The following AP5Z1 variants were observed in gnomAD, a reference collection of about 807,000 sequenced individuals.
The protein encoded by AP5Z1 is adaptor related protein complex 5 subunit zeta 1.
A neutral mutation model predicts 83.0 loss-of-function variants in AP5Z1; 106 were observed. That is an observed-to-expected ratio of 1.28 (90% CI 1.09 to 1.50). The LOEUF (loss-of-function observed/expected upper bound fraction) is 1.50, where lower values mean the gene tolerates loss of function less well. Ranked by LOEUF, AP5Z1 falls within the 40% of genes most tolerant of loss-of-function variation. AP5Z1 has a pLI of 0.00. For missense variants in AP5Z1, 1,565 were observed against 1,094.2 expected, an observed-to-expected ratio of 1.43 and a Z score of -6.07; for synonymous variants, 751 against 514.1, an observed-to-expected ratio of 1.46 and a Z score of -6.23.
intron 10 of AP5Z1, 115 bp downstream of exon 10, chr7:4,786,543 T>C: frequency 8.1e-7 from 1 of 1,235,688 alleles, no homozygotes; most frequent in South Asian, 1.4e-5. Context: ...GCCCTGTGAG[T>C]CCCGGGCCTG....
chr7:4,788,959 C>A lies in AP5Z1; in HGVS notation c.1707+8C>A, dbSNP rs374691049. On this transcript the variant is annotated splice_region_variant and intron_variant, in intron 13 of 16. Transcript: ENST00000649063. ...TTCTCAGCAGTGACCCAGGTGAGCT[C>A]GCTGCCTGGGGCCCCCCATTCCCAC... is the stretch of plus-strand genomic sequence containing the variant. 1.9e-6 allele frequency: 3 copies of A among 1,607,378 alleles called. No individual in the cohort carries two copies. The highest frequency in any genetic ancestry group is 1.1e-5 in the South Asian group (1 of 90,280).
chr7:4,786,204 C>G, intron 9 of AP5Z1, 46 bp from the exon 10 acceptor site: 1 of 1,529,692 alleles, frequency 6.5e-7, no homozygotes, highest in Middle Eastern at 2.0e-4. Flanking sequence ...GAAGCACGGC[C>G]AGGGCGAGGT....
Position 4,788,906 on chromosome 7 carries a change from G to A in AP5Z1, c.1662G>A (p.Gln554=). The A allele has an allele frequency of 6.2e-7, 1 of 1,611,350 alleles. No homozygotes were observed. Among genetic ancestry groups the A allele is most frequent in the Non-Finnish European group, 8.5e-7 (1 of 1,179,482 alleles). The part of the protein sequence containing the change: ...AGCARVAQCA[Q]AVPTLLQAFF... The stretch of plus-strand genomic sequence containing the variant: ...GTGCCCGCGTGGCCCAGTGTGCCCA[G>A]GCCGTGCCCACGCTGCTGCAGGCAT... Residue 554 remains glutamine (Q), a synonymous_variant, in exon 13 of 17, where the codon CAG becomes CAA. Transcript: ENST00000649063.
In AP5Z1 at chr7:4,790,861, C is replaced by A. The variant is rs1443589213; in HGVS notation, c.2127C>A (p.Ala709=). 1 of 1,606,484 alleles carries A rather than the reference C, an allele frequency of 6.2e-7. No homozygotes were observed. The highest frequency in any genetic ancestry group is 1.7e-5 in the Admixed American group (1 of 59,430). ...TGATGACCACGCTGACGAAGCTGGC[C>A]TCCCGGAGCCAAGATCTGATCCCCA... ...TVLMTTLTKL[A]SRSQDLIPRA... The change falls in exon 16 of 17, where the codon GCC becomes GCA. Residue 709 remains alanine, a synonymous_variant. Transcript: ENST00000649063.
At chr7:4,777,410 CAG>C (rs1375050168) in intron 1 of AP5Z1, among the ~76,000 whole-genome samples, 10 of 151,584 alleles carry the variant, frequency 6.6e-5, no homozygotes, top group Admixed American at 4.6e-4. Context: ...TCTTTTGAGA[CAG>C]AGTCTCCCTC....
Position 4,791,604 on chromosome 7 carries a change from G to T in AP5Z1, c.*219G>T, listed in dbSNP as rs1781777041. ...TTTTGCTCCCAGGCAACACTGAGCT[G>T]AGCTGAGGGGTGCCATGGAGCGGCT... On this transcript the variant is annotated 3_prime_UTR_variant, in exon 17 of 17. Transcript: ENST00000649063. The T allele has an allele frequency of 9.0e-6, 6 of 665,470 alleles. No individual in the cohort carries two copies. The Admixed American group carries it at 1.2e-4, about 14-fold the overall frequency. 41.2% of individuals were successfully genotyped at this position (665,470 alleles called of 1,614,324 possible).
At position 4,792,833 on chromosome 7, in the gene AP5Z1, G is replaced by C. The variant is rs923938035; in HGVS notation, c.*1448G>C. On this transcript the variant is annotated 3_prime_UTR_variant, in exon 17 of 17. Coordinates refer to ENST00000649063, the MANE Select transcript of AP5Z1 (RefSeq NM_014855.3). ...GCGCGGGTCTCGGGATCACTTCCCA[G>C]TGCGGTGCACGACCCCGCCTGCAGC... The C allele has an allele frequency of 1.3e-5, 2 of 152,378 alleles. No individual in the cohort carries two copies. The highest frequency in any genetic ancestry group is 2.9e-5 in the Non-Finnish European group (2 of 68,132). The allele number at this position is 152,378 out of a possible 1,614,324, so 9.4% of individuals were successfully genotyped here.
intron 1 of AP5Z1, among the ~76,000 whole-genome samples, chr7:4,779,480 A>T (rs1008625003): frequency 1.3e-4 from 18 of 143,760 alleles, no homozygotes; most frequent in East Asian, 7.8e-4. Flanking sequence ...TTATATATAT[A>T]TATTTTTTTT....
chr7:4,783,077 C>T lies in AP5Z1; in HGVS notation c.367-239C>T, dbSNP rs144105636. On this transcript the variant is annotated intron_variant, in intron 3 of 16. Coordinates refer to ENST00000649063, the MANE Select transcript of AP5Z1 (RefSeq NM_014855.3). ...AGTGTGTTTTTAGCATTGAATCAGC[C>T]GTGCCCTCACCCAGGCCCCCTCCAG... Among the ~76,000 whole-genome samples the T allele has an allele frequency of 3.2e-3, 490 of 152,328 alleles. 3 individuals carry two copies. Among genetic ancestry groups the T allele is most frequent in the African/African-American group, 0.011 (438 of 41,586 alleles).
At chr7:4,778,717 G>A (rs1380178894) in intron 1 of AP5Z1, among the ~76,000 whole-genome samples, 1 of 147,210 alleles carries the variant, frequency 6.8e-6, no homozygotes, top group Non-Finnish European at 1.5e-5. Context: ...GTGTATATAT[G>A]TATATGTGTG....
rs977816576 is a variant in AP5Z1, at chr7:4,775,662, G to T, written c.-54G>T. 6.2e-6 allele frequency: 10 copies of T among 1,602,622 alleles called. No homozygotes were observed. The highest frequency in any genetic ancestry group is 6.8e-6 in the Non-Finnish European group (8 of 1,178,782). ...AGTTGACCGGGGTGCGGAGCTCCTG[G>T]GCTGCAGCTCCTGGAGTTTCCGAGG... On this transcript the variant is annotated 5_prime_UTR_variant, in exon 1 of 17. Transcript: ENST00000649063.
rs1053855496 is a variant in AP5Z1 at position 4,784,461 on chromosome 7, G to T, written c.790+90G>T. On this transcript the variant is annotated intron_variant, in intron 6 of 16. Coordinates refer to ENST00000649063, the MANE Select transcript of AP5Z1 (RefSeq NM_014855.3). ...AGGGGGACACGGGCGGAGGTGGGGG[G>T]ACTCGGGTGTGCCCAGGATGCAGCA... 4.9e-6 allele frequency: 7 copies of T among 1,430,874 alleles called. No homozygotes were observed. The Admixed American group carries it at 1.1e-4, about 22-fold the overall frequency. The allele number at this position is 1,430,874 out of a possible 1,614,324, so 88.6% of individuals were successfully genotyped here.
At position 4,787,599 on chromosome 7, in the gene AP5Z1, C is replaced by G. The variant is rs564094132; in HGVS notation, c.1312-35C>G. 1.8e-5 allele frequency: 27 copies of G among 1,538,200 alleles called. No homozygotes were observed. The South Asian group carries it at 3.1e-4, about 18-fold the overall frequency. On this transcript the variant is annotated intron_variant, in intron 10 of 16. Coordinates refer to ENST00000649063, the MANE Select transcript of AP5Z1 (RefSeq NM_014855.3). ...CCCTCTGCCGCCTGCTCCACAGCTC[C>G]GAGCCGTGTCCGAACCGCTGTGCTG...
chr7:4,785,491 C>T (rs575951729), intron 8 of AP5Z1, 31 bp from the exon 9 acceptor site: 17 of 1,613,108 alleles, frequency 1.1e-5, no homozygotes, highest in Middle Eastern at 1.7e-4. Flanking sequence ...GGCAGCGACT[C>T]GGCCCATTTG....
chr7:4,784,455 T>G, intron 6 of AP5Z1, 84 bp downstream of exon 6: 3 of 1,443,296 alleles, frequency 2.1e-6, no homozygotes, highest in Admixed American at 2.1e-5. Flanking sequence ...CGGGCGGAGG[T>G]GGGGGGACTC....
intron 6 of AP5Z1, 58 bp from the exon 7 acceptor site, chr7:4,784,850 G>C: frequency 6.4e-7 from 1 of 1,567,228 alleles, no homozygotes; most frequent in Non-Finnish European, 8.7e-7. Context: ...CAGGGCAGCA[G>C]GCATGTCCCA....
intron 1 of AP5Z1, among the ~76,000 whole-genome samples, chr7:4,777,353 CTTTATTTATTTATTTA>C (rs10676677): frequency 2.7e-5 from 4 of 148,844 alleles, no homozygotes; most frequent in Non-Finnish European, 4.4e-5. Flanking sequence ...GAAGAGCCCT[CTTTATTTATTTATTTA>C]TTTATTTATT....
rs1362217349 is a variant in AP5Z1 at position 4,786,419 on chromosome 7, C to T, written c.1302C>T (p.Asn434=). The change falls in exon 10 of 17, where the codon AAC becomes AAT. Residue 434 remains asparagine (N), a synonymous_variant. Transcript: ENST00000649063. ...GCACCCTCAGATTGAGCTTCCCCAA[C>T]CTCTTTAAGGTATATTTGGGCATCC... ...HLSTLRLSFP[N]LFKFLAWNSP... 6 of 1,613,840 alleles carry T rather than the reference C, an allele frequency of 3.7e-6. No homozygotes were observed. In the East Asian group the frequency reaches 1.1e-4, roughly 30 times the overall value.
At chr7:4,781,792 G>T in intron 3 of AP5Z1, 38 bp downstream of exon 3, 1 of 1,501,396 alleles carries the variant, frequency 6.7e-7, no homozygotes, top group Non-Finnish European at 8.9e-7. Context: ...GCACCGGATG[G>T]CTGCTTCCCA....
Sources: allele counts gnomAD v4.1 joint callset (sites outside exome capture counted in the v4.1 genomes callset), GRCh38; gene constraint gnomAD v4.1.1; transcripts MANE v1.5; gene names NCBI Gene and HGNC (gene_info 2026-07-23, HGNC 2026-07-21).